Variants in SEPTIN2 observed in about 807,000 individuals in gnomAD.
SEPTIN2 encodes septin-2.
SEPTIN2 carries 34 observed loss-of-function variants against 46.5 expected under a neutral mutation model. That is an observed-to-expected ratio of 0.73 (90% CI 0.56 to 0.97). The LOEUF is 0.97. Among genes scored for constraint, SEPTIN2 ranks in the 50% least tolerant of loss-of-function variants. The pLI is 0.00. For synonymous variants in SEPTIN2, 175 were observed against 153.4 expected, an observed-to-expected ratio of 1.14 and a Z score of -1.04; for missense variants, 347 against 448.4, an observed-to-expected ratio of 0.77 and a Z score of 2.04.
At chr2:241,315,423 T>A (rs1294199886), upstream of SEPTIN2, 1 of 150,780 alleles carries the variant, frequency 6.6e-6, no homozygotes, top group Non-Finnish European at 1.5e-5. Flanking sequence ...AGGCGAAGGC[T>A]CCCCCTCCCC....
At chr2:241,334,871 T>C (rs771997812) in intron 3 of SEPTIN2, among the ~76,000 whole-genome samples, 15 of 152,214 alleles carry the variant, frequency 9.9e-5, no homozygotes, top group Admixed American at 8.5e-4. Flanking sequence ...TTATATGATG[T>C]TCAAGTTCTG....
At chr2:241,317,214 C>A (rs900225335) in intron 1 of SEPTIN2, among the ~76,000 whole-genome samples, 3 of 152,170 alleles carry the variant, frequency 2.0e-5, no homozygotes, top group East Asian at 1.9e-4. Flanking sequence ...TTAATGGGTT[C>A]TTTGCACCAC....
intron 10 of SEPTIN2, among the ~76,000 whole-genome samples, chr2:241,347,625 G>T (rs145379208): frequency 6.6e-6 from 1 of 152,298 alleles, no homozygotes; most frequent in Non-Finnish European, 1.5e-5. Flanking sequence ...AAGTGTTGTC[G>T]CTCAAGCTTA....
Position 241,346,219 on chromosome 2 carries a change from TC to T in SEPTIN2, c.898del (p.Arg300ValfsTer17). 3.1e-6 allele frequency: 5 copies of T among 1,613,898 alleles called. No individual in the cohort carries two copies. Among genetic ancestry groups the T allele is most frequent in the South Asian group, 1.1e-5 (1 of 91,060 alleles). On this transcript the variant is annotated frameshift_variant, in exon 10 of 13. Transcript: ENST00000391971. LOFTEE classifies it high-confidence loss of function. ...ACCCAGGACCTTCATTATGAAAACT[TC>T]CGTTCTGAGAGACTCAAGAGAGGCG... ...EVTQDLHYEN[F>X]RSERLKRGGR...
At chr2:241,349,011 G>C (rs1294045337) in intron 11 of SEPTIN2, among the ~76,000 whole-genome samples, 1 of 152,046 alleles carries the variant, frequency 6.6e-6, no homozygotes, top group African/African-American at 2.4e-5. Flanking sequence ...TACTTTCCTG[G>C]AGGCATTTCT....
intron 1 of SEPTIN2, among the ~76,000 whole-genome samples, chr2:241,323,700 G>T (rs1435142101): frequency 6.6e-6 from 1 of 152,212 alleles, no homozygotes; most frequent in African/African-American, 2.4e-5. Flanking sequence ...AGTACAGAGT[G>T]TAAGCGAGCT....
At chr2:241,339,018 CATT>C (rs1230444916) in intron 7 of SEPTIN2, among the ~76,000 whole-genome samples, 3 of 108,856 alleles carry the variant, frequency 2.8e-5, no homozygotes, top group East Asian at 4.6e-4. Flanking sequence ...TATATTTATA[CATT>C]ATATTTATAT....
Position 241,337,405 on chromosome 2 carries a change from T to G in SEPTIN2, c.365T>G (p.Ile122Ser). 2 of 1,614,036 alleles carry G rather than the reference T, an allele frequency of 1.2e-6. No homozygotes were observed. Among genetic ancestry groups the G allele is most frequent in the South Asian group, 2.2e-5 (2 of 91,034 alleles). Residue 122 changes from isoleucine to serine, a missense_variant, in exon 6 of 13, where the codon ATT becomes AGT. Coordinates refer to ENST00000391971, the MANE Select transcript of SEPTIN2 (RefSeq NM_004404.5). The stretch of plus-strand genomic sequence containing the variant: ...AGTTTTAAGACAATTATCTCCTATA[T>G]TGATGAGCAATTTGAGAGGTACCTG... ...RDCFKTIISYIDEQFERYLHD... is the reference protein window; with the variant it reads ...RDCFKTIISYSDEQFERYLHD...
chr2:241,345,135 C>T (rs940037020), intron 9 of SEPTIN2, among the ~76,000 whole-genome samples: 2 of 151,774 alleles, frequency 1.3e-5, no homozygotes, highest in Non-Finnish European at 2.9e-5. Context: ...CCAAAAAGAA[C>T]AGGCTGAGAG....
rs772812693 is a variant in SEPTIN2 at position 241,350,110 on chromosome 2, C to CGCAGAT, written c.1039_1044dup (p.Met347_Gln348dup). The CGCAGAT allele has an allele frequency of 3.5e-5, 57 of 1,613,946 alleles. No individual in the cohort carries two copies. Among genetic ancestry groups the CGCAGAT allele is most frequent in the Middle Eastern group, 1.6e-4 (1 of 6,084 alleles). On this transcript the variant is annotated inframe_insertion, in exon 12 of 13. Coordinates refer to ENST00000391971, the MANE Select transcript of SEPTIN2 (RefSeq NM_004404.5). Reference sequence around the variant, plus strand: ...CAAGAGATGATTGCAAGGATGCAGGCGCAGATGCAGATGCAGATGCAGGGC... The same window carrying CGCAGAT: ...CAAGAGATGATTGCAAGGATGCAGGCGCAGATGCAGATGCAGATGCAGATGCAGGGC...
chr2:241,322,598 T>G (rs2077295751), intron 1 of SEPTIN2, among the ~76,000 whole-genome samples: 1 of 146,988 alleles, frequency 6.8e-6, no homozygotes, highest in Non-Finnish European at 1.5e-5. Context: ...AATGCGAGAC[T>G]CCGTCTCAAA....
At chr2:241,316,397 C>CCCGACAAACACTTAGAGCT in intron 1 of SEPTIN2, 77 of 1,074,774 alleles carry the variant, frequency 7.2e-5, no homozygotes, top group Non-Finnish European at 9.2e-5. Flanking sequence ...TCTTGTCTTT[C>CCCGACAAACACTTAGAGCT]TAACGGTGCC....
At chr2:241,340,024 A>AT (rs2081043358) in intron 7 of SEPTIN2, among the ~76,000 whole-genome samples, 1 of 152,174 alleles carries the variant, frequency 6.6e-6, no homozygotes, top group Admixed American at 6.5e-5. Flanking sequence ...TCTTTTCACA[A>AT]TTGTGTGAGC....
chr2:241,333,161 A>G (rs2079296713), intron 3 of SEPTIN2, among the ~76,000 whole-genome samples: 1 of 152,200 alleles, frequency 6.6e-6, no homozygotes, highest in African/African-American at 2.4e-5. Context: ...GTGAGTAGTG[A>G]AAAGTAAAAC....
chr2:241,320,090 A>C, intron 1 of SEPTIN2: 2 of 360,310 alleles, frequency 5.6e-6, no homozygotes, highest in Non-Finnish European at 1.1e-5. Flanking sequence ...TGTGAGTGAG[A>C]TTGGCCTATG....
At chr2:241,323,115 C>T (rs747542427) in intron 1 of SEPTIN2, among the ~76,000 whole-genome samples, 4 of 151,696 alleles carry the variant, frequency 2.6e-5, no homozygotes, top group Middle Eastern at 3.5e-3. Flanking sequence ...GCAGTCCTGC[C>T]TCTGCTTCCC....
At chr2:241,339,375 G>GAA (rs201090856) in intron 7 of SEPTIN2, among the ~76,000 whole-genome samples, 3 of 134,138 alleles carry the variant, frequency 2.2e-5, no homozygotes. Context: ...TCCGTCTCAA[G>GAA]AAAAAAAAAA....
intron 2 of SEPTIN2, 111 bp from the exon 3 acceptor site, chr2:241,325,882 A>T (rs1207256419): frequency 5.8e-6 from 6 of 1,026,346 alleles, no homozygotes; most frequent in Middle Eastern, 2.6e-4. Context: ...TATACTTTTT[A>T]AAAAATTTGT....
Position 241,328,649 on chromosome 2 carries a change from G to A in SEPTIN2, c.130+2536G>A, listed in dbSNP as rs1012035671. On this transcript the variant is annotated intron_variant, in intron 3 of 12. Coordinates refer to ENST00000391971, the MANE Select transcript of SEPTIN2 (RefSeq NM_004404.5). ...CCCAGCTACTCGGGAGGCTGAGGCC[G>A]GAGAATCACTTGAACCTAGGAGGTG... 1.2e-4 allele frequency among the ~76,000 whole-genome samples: 19 copies of A among 152,296 alleles called. No homozygotes were observed. The Middle Eastern group carries it at 0.01, about 82-fold the overall frequency.
Sources: allele counts gnomAD v4.1 joint callset (sites outside exome capture counted in the v4.1 genomes callset), GRCh38; gene constraint gnomAD v4.1.1; transcripts MANE v1.5; gene names NCBI Gene and HGNC (gene_info 2026-07-23, HGNC 2026-07-21).